Variants in TXNL4A observed in about 807,000 individuals in gnomAD.
TXNL4A encodes thioredoxin-like protein 4A.
In TXNL4A, 17 loss-of-function variants were observed where a neutral mutation model predicts 14.6. That is an observed-to-expected ratio of 1.16 (90% CI 0.80 to 1.74). TXNL4A has a LOEUF of 1.74. TXNL4A is among the 40% of genes most tolerant of loss of function. The pLI, the probability that TXNL4A is intolerant of heterozygous loss-of-function variation, is 0.00. For synonymous variants in TXNL4A, 83 were observed against 70.6 expected (o/e 1.18, Z -0.88); for missense variants, 74 against 195.2 (o/e 0.38, Z 3.70).
At chr18:79,987,420 T>C (rs2051568155) in intron 1 of TXNL4A, among the ~76,000 whole-genome samples, 1 of 152,234 alleles carries the variant, frequency 6.6e-6, no homozygotes. Context: ...GCTTCAATGT[T>C]ACTTTTACTC....
At chr18:80,004,460 G>A (rs1285186589) in intron 1 of TXNL4A, among the ~76,000 whole-genome samples, 3 of 152,220 alleles carry the variant, frequency 2.0e-5, no homozygotes, top group Non-Finnish European at 4.4e-5. Context: ...GGCACCGAGT[G>A]CTCCCTGTCT....
intron 1 of TXNL4A, among the ~76,000 whole-genome samples, chr18:80,008,090 T>C (rs1216565716): frequency 6.6e-6 from 1 of 152,134 alleles, no homozygotes; most frequent in Non-Finnish European, 1.5e-5. Context: ...AGGTCTGGGT[T>C]GTAATGAGCC....
At chr18:80,027,385 A>G (rs1028769891) in intron 1 of TXNL4A, among the ~76,000 whole-genome samples, 13 of 152,086 alleles carry the variant, frequency 8.5e-5, no homozygotes, top group African/African-American at 3.1e-4. Context: ...GGCAATAAAT[A>G]ATATCGCAAT....
At chr18:80,024,991 C>T (rs2051875057) in intron 1 of TXNL4A, among the ~76,000 whole-genome samples, 1 of 152,190 alleles carries the variant, frequency 6.6e-6, no homozygotes, top group Non-Finnish European at 1.5e-5. Context: ...CTCTGGCTGG[C>T]TATATGCAAA....
At chr18:79,994,165 A>G (rs909979145) in intron 1 of TXNL4A, among the ~76,000 whole-genome samples, 7 of 152,218 alleles carry the variant, frequency 4.6e-5, no homozygotes, top group Non-Finnish European at 7.3e-5. Flanking sequence ...TTGTCATGCA[A>G]ATATTTAACC....
chr18:80,007,505 G>C (rs1288200759), intron 1 of TXNL4A, among the ~76,000 whole-genome samples: 1 of 152,134 alleles, frequency 6.6e-6, no homozygotes, highest in Non-Finnish European at 1.5e-5. Context: ...TAAGTCAAGA[G>C]TTGATTTTTA....
chr18:79,989,362 G>A (rs1470199680), upstream of TXNL4A, among the ~76,000 whole-genome samples: 1 of 151,716 alleles, frequency 6.6e-6, no homozygotes, highest in African/African-American at 2.4e-5. Context: ...TGCCCGCCTC[G>A]GCCTCCCAAA....
At chr18:80,024,009 A>C (rs2145127655) in intron 1 of TXNL4A, among the ~76,000 whole-genome samples, 1 of 152,284 alleles carries the variant, frequency 6.6e-6, no homozygotes, top group Admixed American at 6.5e-5. Flanking sequence ...CCACGAAGGG[A>C]TCCTGAGTGA....
intron 1 of TXNL4A, among the ~76,000 whole-genome samples, chr18:80,026,581 A>G (rs562648515): frequency 1.3e-5 from 2 of 152,270 alleles, no homozygotes; most frequent in Admixed American, 6.5e-5. Flanking sequence ...ATCCCAGCTT[A>G]TTTAGAAACC....
chr18:80,012,978 G>A (rs2051780817), intron 1 of TXNL4A, among the ~76,000 whole-genome samples: 1 of 151,926 alleles, frequency 6.6e-6, no homozygotes, highest in South Asian at 2.1e-4. Context: ...ATTCGTCGAC[G>A]ACCTGCTTCT....
chr18:79,996,232 A>C (rs545397671), intron 1 of TXNL4A, among the ~76,000 whole-genome samples: 1 of 152,052 alleles, frequency 6.6e-6, no homozygotes, highest in South Asian at 2.1e-4. Flanking sequence ...ACAGGGTTTC[A>C]CTGCTCCAAA....
chr18:79,982,532 T>C lies in TXNL4A; in HGVS notation c.154-4831A>G, dbSNP rs1302447571. On this transcript the variant is annotated intron_variant, in intron 1 of 2. Transcript: ENST00000269601. This position sits in a 1 kb window ranked among gnomAD's most constrained non-coding sequence, Gnocchi z 4.0. ...GTGAGTGCAGAAGCCCACTGTAGAGTTGGGGGCAGGAAAGGGATGCCAAGG... is the reference window on the plus strand; with the variant it reads ...GTGAGTGCAGAAGCCCACTGTAGAGCTGGGGGCAGGAAAGGGATGCCAAGG... 2.0e-5 allele frequency among the ~76,000 whole-genome samples: 3 copies of C among 151,256 alleles called. No homozygotes were observed. Among genetic ancestry groups the C allele is most frequent in the Admixed American group, 2.0e-4 (3 of 15,190 alleles).
rs535761790 is a variant in TXNL4A, at chr18:80,011,669, G to A, written c.-61+22182C>T. 2.4e-3 allele frequency among the ~76,000 whole-genome samples: 364 copies of A among 152,208 alleles called. No homozygotes were observed. Among genetic ancestry groups the A allele is most frequent in the Non-Finnish European group, 4.2e-3 (287 of 68,010 alleles). On this transcript the variant is annotated intron_variant, in intron 1 of 2. Coordinates refer to the TXNL4A transcript ENST00000585474. This position sits in a 1 kb window ranked among gnomAD's most constrained non-coding sequence, Gnocchi z 4.1. ...ACAACCGCTCGGCGGCATTCCACAG[G>A]TGGCTCAGGGAGATAACACTTCCTT...
At chr18:79,986,227 G>A (rs925234494) in intron 1 of TXNL4A, among the ~76,000 whole-genome samples, 1 of 152,068 alleles carries the variant, frequency 6.6e-6, no homozygotes, top group Non-Finnish European at 1.5e-5. Context: ...GTAGAGAAGG[G>A]GTTTCACCAT....
rs992461051 is a variant in TXNL4A at position 79,982,905 on chromosome 18, G to A, written c.154-5204C>T. 6.6e-6 allele frequency among the ~76,000 whole-genome samples: 1 copy of A among 152,152 alleles called. No individual in the cohort carries two copies. The highest frequency in any genetic ancestry group is 1.5e-5 in the Non-Finnish European group (1 of 68,038). ...ACATCCAGCAGCATCTGCTGGTGGC[G>A]ACATTTCCACGGTAACCAAGCGCTT... On this transcript the variant is annotated intron_variant, in intron 1 of 2. Coordinates refer to ENST00000269601, the MANE Select transcript of TXNL4A (RefSeq NM_006701.5). The surrounding 1 kb of genome is among the most constrained non-coding windows in gnomAD (Gnocchi z 4.0).
Position 79,982,890 on chromosome 18 carries a change from G to C in TXNL4A, c.154-5189C>G, listed in dbSNP as rs1050533779. Among the ~76,000 whole-genome samples the C allele has an allele frequency of 2.6e-5, 4 of 152,202 alleles. No individual in the cohort carries two copies. Among genetic ancestry groups the C allele is most frequent in the African/African-American group, 9.6e-5 (4 of 41,452 alleles). ...GGCAAACATCAGCAAACATCCAGCA[G>C]CATCTGCTGGTGGCGACATTTCCAC... On this transcript the variant is annotated intron_variant, in intron 1 of 2. Transcript: ENST00000269601. This position sits in a 1 kb window ranked among gnomAD's most constrained non-coding sequence, Gnocchi z 4.0.
At chr18:80,028,708 G>C (rs1408392940) in intron 1 of TXNL4A, among the ~76,000 whole-genome samples, 2 of 152,178 alleles carry the variant, frequency 1.3e-5, no homozygotes, top group Non-Finnish European at 2.9e-5. Context: ...GCCCTGACCC[G>C]TGGTTGTCAA....
Position 79,988,227 on chromosome 18 carries a change from T to C in TXNL4A, c.153+13A>G. The C allele has an allele frequency of 6.7e-7, 1 of 1,498,356 alleles. No homozygotes were observed. 92.8% of individuals were successfully genotyped at this position (1,498,356 alleles called of 1,614,324 possible). A position where few individuals can be genotyped will look rare whatever the true frequency, so the allele number is the denominator to read the frequency against. On this transcript the variant is annotated intron_variant, in intron 1 of 2. Transcript: ENST00000269601. ...AAGCACAGCCCGCAGAGCGGGAGAG[T>C]CCGGCGCGCTACCTTCTCGGCGATG...
intron 1 of TXNL4A, among the ~76,000 whole-genome samples, chr18:80,007,873 G>A (rs1165738949): frequency 6.6e-6 from 1 of 152,142 alleles, no homozygotes; most frequent in African/African-American, 2.4e-5. Flanking sequence ...GGTGGTCTTG[G>A]CTCCCTTCTG....
Sources: gnomAD v4.1 joint callset for allele counts (sites outside exome capture counted in the v4.1 genomes callset) on GRCh38, gnomAD v4.1.1 for gene constraint, Gnocchi (gnomAD v3.1) non-coding constraint, MANE v1.5 for transcripts, NCBI Gene and HGNC (gene_info 2026-07-23, HGNC 2026-07-21) for gene names.